The following ATG7 variants were observed in gnomAD, a reference collection of about 807,000 sequenced individuals.
ATG7 encodes the protein ubiquitin-like modifier-activating enzyme ATG7.
Under a neutral mutation model 82.4 loss-of-function variants are expected in ATG7, and 70 were observed. The ratio of observed to expected loss-of-function variants is 0.85; its 90% CI spans 0.70 to 1.04. The LOEUF (loss-of-function observed/expected upper bound fraction) is 1.04. Among genes scored for constraint, ATG7 ranks in the 50% least tolerant of loss-of-function variants. The pLI, the probability that ATG7 is intolerant of heterozygous loss-of-function variation, is 0.00. For synonymous variants in ATG7, 287 were observed against 313.0 expected (o/e 0.92, Z 0.88); for missense variants, 792 against 864.3 (o/e 0.92, Z 1.05).
intron 11 of ATG7, among the ~76,000 whole-genome samples, chr3:11,339,824 T>C (rs1361396447): frequency 6.6e-6 from 1 of 152,254 alleles, no homozygotes; most frequent in African/African-American, 2.4e-5. Context: ...ACGTGGGTTC[T>C]GTACTGCAGG....
chr3:11,363,209 C>G lies in ATG7; in HGVS notation c.1799+281C>G, dbSNP rs76906744. ...GGCTTACTTTGTGCTAGGCACTGTT[C>G]TAAGCACCTTAGAAATTTTGCCTCC... On this transcript the variant is annotated intron_variant, in intron 17 of 20. Coordinates refer to ENST00000693202, the MANE Select transcript of ATG7 (RefSeq NM_001349232.2). 868 of 233,970 alleles carry G rather than the reference C, an allele frequency of 3.7e-3. 11 individuals carry two copies. The highest frequency in any genetic ancestry group is 0.018 in the African/African-American group (780 of 43,484). The allele number at this position is 233,970 out of a possible 1,614,324, so 14.5% of individuals were successfully genotyped here. A position where few individuals can be genotyped will look rare whatever the true frequency, so the allele number is the denominator to read the frequency against.
the ATG7 span, among the ~76,000 whole-genome samples, chr3:11,572,782 T>G: frequency 1.3e-5 from 2 of 152,348 alleles, no homozygotes; most frequent in Admixed American, 1.3e-4. Flanking sequence ...TTGCCTGCTC[T>G]GTGGTATTCT....
chr3:11,566,255 C>T, the ATG7 span, among the ~76,000 whole-genome samples: 7 of 152,184 alleles, frequency 4.6e-5, no homozygotes, highest in African/African-American at 1.4e-4. Flanking sequence ...ATGTGATAGG[C>T]GTACCTTTCT....
chr3:11,497,247 C>T (rs1472337811), intron 20 of ATG7, among the ~76,000 whole-genome samples: 1 of 149,140 alleles, frequency 6.7e-6, no homozygotes, highest in Non-Finnish European at 1.5e-5. Context: ...CACAGTGGCT[C>T]ATGCCTGTAA....
chr3:11,380,437 T>A (rs1406997489), intron 19 of ATG7, among the ~76,000 whole-genome samples: 1 of 152,180 alleles, frequency 6.6e-6, no homozygotes, highest in Non-Finnish European at 1.5e-5. Context: ...CTATGCATCT[T>A]CTGCAGATCC....
the ATG7 span, among the ~76,000 whole-genome samples, chr3:11,570,370 G>A: frequency 4.6e-5 from 7 of 152,208 alleles, no homozygotes; most frequent in South Asian, 2.1e-4. Flanking sequence ...CGGAGATGCC[G>A]GCCACCAAGG....
chr3:11,348,268 C>A, intron 14 of ATG7: 1 of 507,506 alleles, frequency 2.0e-6, no homozygotes, highest in Non-Finnish European at 3.4e-6. Flanking sequence ...TTGGTTCCTT[C>A]AGTGCGTTCT....
intron 20 of ATG7, among the ~76,000 whole-genome samples, chr3:11,517,765 G>C (rs1450075465): frequency 6.6e-6 from 1 of 152,280 alleles, no homozygotes; most frequent in South Asian, 2.1e-4. Flanking sequence ...CTGTGACTTA[G>C]GTGGCTCAGC....
Position 11,315,399 on chromosome 3 carries a change from C to G in ATG7, c.584C>G (p.Ala195Gly). 6.2e-7 allele frequency: 1 copy of G among 1,611,984 alleles called. No homozygotes were observed. The highest frequency in any genetic ancestry group is 8.5e-7 in the Non-Finnish European group (1 of 1,178,920). ...CTTTGTCAAACAGAAGGAGTCACAG[C>G]TCTTCCTTACTTCTTAATCAAGTAT... ...DNLCQTEGVT[A>G]LPYFLIKYDE... The change falls in exon 9 of 21, where the codon GCT becomes GGT. Residue 195 changes from alanine (A) to glycine (G), a missense_variant. Physicochemically the swap from Ala to Gly is moderately conservative, Grantham distance 60. Coordinates refer to ENST00000693202, the MANE Select transcript of ATG7 (RefSeq NM_001349232.2).
At chr3:11,348,488 AGAT>A (rs1255978008) in intron 14 of ATG7, 1 of 159,126 alleles carries the variant, frequency 6.3e-6, no homozygotes, top group Admixed American at 6.4e-5. Flanking sequence ...CAGCTCTTAA[AGAT>A]GATGTGTCTG....
At chr3:11,425,871 T>A (rs1057400587) in intron 19 of ATG7, among the ~76,000 whole-genome samples, 1 of 152,242 alleles carries the variant, frequency 6.6e-6, no homozygotes, top group Non-Finnish European at 1.5e-5. Flanking sequence ...TGTTGCCTAT[T>A]TCATTTTAAT....
At chr3:11,298,945 C>G (rs1337558399) in intron 4 of ATG7, 90 bp downstream of exon 4, 12 of 1,422,174 alleles carry the variant, frequency 8.4e-6, no homozygotes, top group Non-Finnish European at 1.1e-5. Context: ...AAAGAGACAG[C>G]CTTGTCTTTT....
At chr3:11,376,692 G>A (rs2077439720) in intron 18 of ATG7, among the ~76,000 whole-genome samples, 1 of 152,172 alleles carries the variant, frequency 6.6e-6, no homozygotes, top group Admixed American at 6.5e-5. Context: ...GCCCAGAGCA[G>A]AGGGACCTTG....
rs61176051 is a variant in ATG7 at position 11,378,027 on chromosome 3, A to ATTTTTTTTTTTTTTTTTTTTTTTTTTTT, written c.1876-1927_1876-1926insTTTTTTTTTTTTTTTTTTTTTTTTTTTT. On this transcript the variant is annotated intron_variant, in intron 18 of 20. Coordinates refer to ENST00000693202, the MANE Select transcript of ATG7 (RefSeq NM_001349232.2). ...GCTATCTAACTTATACCAGTTACCA[A>ATTTTTTTTTTTTTTTTTTTTTTTTTTTT]TTTTTTTTTTTTTTTTTTGAGATGG... 3.1e-4 allele frequency among the ~76,000 whole-genome samples: 29 copies of ATTTTTTTTTTTTTTTTTTTTTTTTTTTT among 92,726 alleles called. 1 individual carries two copies. Among genetic ancestry groups the ATTTTTTTTTTTTTTTTTTTTTTTTTTTT allele is most frequent in the African/African-American group, 6.4e-4 (12 of 18,718 alleles). The allele number at this position is 92,726 out of a possible 152,430, so 60.8% of individuals were successfully genotyped here.
At chr3:11,547,888 T>G (rs1291406077) in intron 20 of ATG7, among the ~76,000 whole-genome samples, 1 of 152,240 alleles carries the variant, frequency 6.6e-6, no homozygotes, top group East Asian at 1.9e-4. Flanking sequence ...AGGGTCTTGC[T>G]GGAGTGTAAG....
chr3:11,379,984 C>T lies in ATG7; in HGVS notation c.1888C>T (p.Leu630Phe), dbSNP rs534479536. 29 of 1,613,950 alleles carry T rather than the reference C, an allele frequency of 1.8e-5. No individual in the cohort carries two copies. The highest frequency in any genetic ancestry group is 2.4e-5 in the Non-Finnish European group (28 of 1,179,982). Reference protein sequence around the residue: ...GLVPHQIRGFLSRFDNVLPVS... With the variant: ...GLVPHQIRGFFSRFDNVLPVS... Reference sequence around the variant, plus strand: ...TGTTTGTTTTTAGATCCGGGGATTTCTTTCACGGTTTGATAATGTCCTTCC... The same window carrying T: ...TGTTTGTTTTTAGATCCGGGGATTTTTTTCACGGTTTGATAATGTCCTTCC... Residue 630 changes from leucine (L) to phenylalanine (F), a missense_variant, in exon 19 of 21, where the codon CTT becomes TTT. By Grantham distance (22) the Leu-to-Phe change is conservative (BLOSUM62 0). Transcript: ENST00000693202.
chr3:11,339,023 G>A (rs759936318), intron 11 of ATG7, among the ~76,000 whole-genome samples: 6 of 152,138 alleles, frequency 3.9e-5, no homozygotes, highest in African/African-American at 7.2e-5. Context: ...CAGGCCGGGC[G>A]TGGTAACTCA....
chr3:11,448,257 C>G (rs1315663477), intron 20 of ATG7, among the ~76,000 whole-genome samples: 1 of 152,232 alleles, frequency 6.6e-6, no homozygotes, highest in East Asian at 1.9e-4. Flanking sequence ...CTCCTCCTTT[C>G]TCCTTGCTAC....
At chr3:11,513,233 C>T (rs575066577) in intron 20 of ATG7, among the ~76,000 whole-genome samples, 7 of 152,376 alleles carry the variant, frequency 4.6e-5, no homozygotes, top group South Asian at 2.1e-4. Flanking sequence ...GCCAGTCCTG[C>T]GCCGTGCGTC....
Sources: allele counts gnomAD v4.1 joint callset (sites outside exome capture counted in the v4.1 genomes callset), GRCh38; gene constraint gnomAD v4.1.1; transcripts MANE v1.5; gene names NCBI Gene and HGNC (gene_info 2026-07-23, HGNC 2026-07-21).